RNF146: variants seen among roughly 807,000 people sequenced by gnomAD.
RNF146 encodes E3 ubiquitin-protein ligase RNF146.
Under a neutral mutation model 29.7 loss-of-function variants are expected in RNF146, and 11 were observed. The observed-to-expected ratio is 0.37, with a 90% CI of 0.23 to 0.61. RNF146 has a LOEUF of 0.61. Ranked by LOEUF, RNF146 falls within the 20% of genes least tolerant of loss-of-function variation. The pLI is 0.66. For missense variants in RNF146, 342 were observed against 438.9 expected (o/e 0.78, Z 1.97); for synonymous variants, 150 against 159.7 (o/e 0.94, Z 0.46).
At position 127,286,085 on chromosome 6, in the gene RNF146, T is replaced by G. The variant is rs911424697; in HGVS notation, c.3-531T>G. The G allele has an allele frequency of 2.4e-6, 3 of 1,229,676 alleles. No homozygotes were observed. The highest frequency in any genetic ancestry group is 1.0e-6 in the Non-Finnish European group (1 of 986,502). The allele number at this position is 1,229,676 out of a possible 1,614,324, so 76.2% of individuals were successfully genotyped here. ...ATATTCATGTTATTTTCTCCTTTGG[T>G]CTTATATGATTGTTACCTTTATGAA... On this transcript the variant is annotated intron_variant, in intron 2 of 2. Coordinates refer to ENST00000368314, the MANE Select transcript of RNF146 (RefSeq NM_001242850.2). This position sits in a 1 kb window ranked among gnomAD's most constrained non-coding sequence, Gnocchi z 4.6.
intron 1 of RNF146, among the ~76,000 whole-genome samples, chr6:127,274,784 G>GTTAA (rs1427219824): frequency 6.6e-6 from 1 of 152,026 alleles, no homozygotes; most frequent in Non-Finnish European, 1.5e-5. Context: ...TAGAATTGTG[G>GTTAA]GTAAAGGCTG....
intron 1 of RNF146, among the ~76,000 whole-genome samples, chr6:127,268,533 T>G (rs930337524): frequency 5.3e-5 from 8 of 152,334 alleles, no homozygotes; most frequent in African/African-American, 1.9e-4. Context: ...TAAAAATAGA[T>G]TTTGGATGTG....
At chr6:127,275,274 C>A (rs1421579670) in intron 1 of RNF146, among the ~76,000 whole-genome samples, 1 of 152,034 alleles carries the variant, frequency 6.6e-6, no homozygotes, top group African/African-American at 2.4e-5. Context: ...CCAAAAGATA[C>A]AAAGATGGGT....
intron 1 of RNF146, among the ~76,000 whole-genome samples, chr6:127,269,138 T>C (rs1348541075): frequency 6.6e-6 from 1 of 152,248 alleles, no homozygotes; most frequent in Non-Finnish European, 1.5e-5. Flanking sequence ...AACTAATTTA[T>C]GTAACACTTG....
In RNF146 at chr6:127,276,099, A is replaced by G. The variant is rs1170691785; in HGVS notation, c.-108-4132A>G. 2.6e-5 allele frequency among the ~76,000 whole-genome samples: 4 copies of G among 152,064 alleles called. No homozygotes were observed. In the East Asian group the frequency reaches 7.8e-4, roughly 30 times the overall value. ...CTTGAGCCAAGCAGTTTGAGGTTTT[A>G]GTGAGCTATGATCATGCCACAGCAT... On this transcript the variant is annotated intron_variant, in intron 1 of 2. Transcript: ENST00000368314.
At chr6:127,279,667 G>T (rs1166552668) in intron 1 of RNF146, among the ~76,000 whole-genome samples, 2 of 151,756 alleles carry the variant, frequency 1.3e-5, no homozygotes, top group Non-Finnish European at 2.9e-5. Context: ...TGAATCTGTA[G>T]ATCACTTTGG....
At chr6:127,282,000 A>G (rs1293891422) in intron 2 of RNF146, among the ~76,000 whole-genome samples, 1 of 151,716 alleles carries the variant, frequency 6.6e-6, no homozygotes, top group Admixed American at 6.6e-5. Flanking sequence ...AAGTTTTATG[A>G]TAGTCTCTGG....
At position 127,286,101 on chromosome 6, in the gene RNF146, C is replaced by T. The variant is rs914149617; in HGVS notation, c.3-515C>T. On this transcript the variant is annotated intron_variant, in intron 2 of 2. Coordinates refer to ENST00000368314, the MANE Select transcript of RNF146 (RefSeq NM_001242850.2). This position sits in a 1 kb window ranked among gnomAD's most constrained non-coding sequence, Gnocchi z 4.6. ...CTCCTTTGGTCTTATATGATTGTTA[C>T]CTTTATGAAGCTTTAGTGATTACAA... The T allele has an allele frequency of 9.8e-6, 12 of 1,229,568 alleles. No individual in the cohort carries two copies. Among genetic ancestry groups the T allele is most frequent in the Non-Finnish European group, 1.2e-5 (12 of 986,472 alleles). 76.2% of individuals were successfully genotyped at this position (1,229,568 alleles called of 1,614,324 possible). A position where few individuals can be genotyped will look rare whatever the true frequency, so the allele number is the denominator to read the frequency against.
chr6:127,279,541 T>C (rs1467268721), intron 1 of RNF146, among the ~76,000 whole-genome samples: 1 of 148,144 alleles, frequency 6.8e-6, no homozygotes, highest in Non-Finnish European at 1.5e-5. Flanking sequence ...AGTTTTGACA[T>C]TGGATTTTTC....
intron 2 of RNF146, among the ~76,000 whole-genome samples, chr6:127,280,917 G>A (rs1332039614): frequency 1.1e-4 from 16 of 151,538 alleles, no homozygotes; most frequent in African/African-American, 3.9e-4. Flanking sequence ...TAACTTCACC[G>A]TATTGATGAA....
intron 2 of RNF146, chr6:127,282,340 A>G (rs1176839887): frequency 6.6e-6 from 1 of 151,612 alleles, no homozygotes; most frequent in East Asian, 1.9e-4. Flanking sequence ...CTCTCTCTAC[A>G]GGTTTAATTT....
chr6:127,278,294 C>T (rs1297606817), intron 1 of RNF146, among the ~76,000 whole-genome samples: 1 of 149,998 alleles, frequency 6.7e-6, no homozygotes, highest in East Asian at 2.1e-4. Context: ...CAACTATCAC[C>T]ATTATAGATT....
chr6:127,286,956 T>C lies in RNF146; in HGVS notation c.343T>C (p.Trp115Arg). 6.2e-7 allele frequency: 1 copy of C among 1,613,466 alleles called. No individual in the cohort carries two copies. The highest frequency in any genetic ancestry group is 8.5e-7 in the Non-Finnish European group (1 of 1,179,622). Reference protein sequence around the residue: ...AWYYEGRNGWWQYDERTSREL... With the variant: ...AWYYEGRNGWRQYDERTSREL... ...GTATTATGAAGGAAGAAATGGGTGG[T>C]GGCAGTACGATGAGCGCACTAGTAG... Residue 115 changes from tryptophan to arginine, a missense_variant, in exon 3 of 3, where the codon TGG becomes CGG. Trp to Arg is a moderately radical substitution (Grantham distance 101, BLOSUM62 -3). Coordinates refer to ENST00000368314, the MANE Select transcript of RNF146 (RefSeq NM_001242850.2). The surrounding 1 kb of genome is among the most constrained non-coding windows in gnomAD (Gnocchi z 4.6).
Position 127,287,580 on chromosome 6 carries a change from C to T in RNF146, c.967C>T (p.Pro323Ser). Residue 323 changes from proline (P) to serine (S), a missense_variant, in exon 3 of 3, where the codon CCC becomes TCC. Coordinates refer to ENST00000368314, the MANE Select transcript of RNF146 (RefSeq NM_001242850.2). ...LLVSNANQTV[P>S]DRSDRSGTDR... ...GGTTTCTAATGCAAACCAGACAGTA[C>T]CCGATCGATCAGATCGATCGGGAAC... 1 of 1,612,874 alleles carries T rather than the reference C, an allele frequency of 6.2e-7. No homozygotes were observed. The highest frequency in any genetic ancestry group is 8.5e-7 in the Non-Finnish European group (1 of 1,179,350).
chr6:127,286,474 A>C lies in RNF146; in HGVS notation c.3-142A>C. 1.2e-6 allele frequency: 1 copy of C among 855,138 alleles called. No individual in the cohort carries two copies. Among genetic ancestry groups the C allele is most frequent in the Non-Finnish European group, 1.7e-6 (1 of 572,420 alleles). The allele number at this position is 855,138 out of a possible 1,614,324, so 53.0% of individuals were successfully genotyped here. Reference sequence around the variant, plus strand: ...TCATCGGTTGGAGAGTTTTTCCTCTACTTTCATCTTCATATCCCCATTGTC... The same window carrying C: ...TCATCGGTTGGAGAGTTTTTCCTCTCCTTTCATCTTCATATCCCCATTGTC... On this transcript the variant is annotated intron_variant, in intron 2 of 2. Coordinates refer to ENST00000368314, the MANE Select transcript of RNF146 (RefSeq NM_001242850.2). This position sits in a 1 kb window ranked among gnomAD's most constrained non-coding sequence, Gnocchi z 4.6.
chr6:127,273,560 C>CA (rs1194466702), intron 1 of RNF146, among the ~76,000 whole-genome samples: 1 of 151,604 alleles, frequency 6.6e-6, no homozygotes, highest in Non-Finnish European at 1.5e-5. Context: ...CACAAATCTC[C>CA]AAAAAAATTT....
intron 1 of RNF146, among the ~76,000 whole-genome samples, chr6:127,267,695 T>G (rs913361989): frequency 2.0e-5 from 3 of 152,184 alleles, no homozygotes; most frequent in African/African-American, 7.2e-5. Context: ...TATTCTTAGT[T>G]GTTTTTGACG....
At chr6:127,266,723 G>A (rs958295845), upstream of RNF146, 17 of 152,220 alleles carry the variant, frequency 1.1e-4, no homozygotes, top group African/African-American at 3.6e-4. Flanking sequence ...AGAGAGTACC[G>A]GCAGACAGCG....
At chr6:127,277,415 A>T (rs1778359119) in intron 1 of RNF146, among the ~76,000 whole-genome samples, 1 of 152,052 alleles carries the variant, frequency 6.6e-6, no homozygotes, top group Admixed American at 6.6e-5. Flanking sequence ...AAGTCAGAGT[A>T]AAACAAAAAG....
Sources: gnomAD v4.1 joint callset for allele counts (sites outside exome capture counted in the v4.1 genomes callset) on GRCh38, gnomAD v4.1.1 for gene constraint, Gnocchi (gnomAD v3.1) non-coding constraint, MANE v1.5 for transcripts, NCBI Gene and HGNC (gene_info 2026-07-23, HGNC 2026-07-21) for gene names.